The following COL11A1 variants were observed in gnomAD, a reference collection of about 807,000 sequenced individuals.
COL11A1 encodes the protein collagen alpha-1(XI) chain.
In COL11A1, 74 loss-of-function variants were observed where a neutral mutation model predicts 265.2. That is an observed-to-expected ratio of 0.28 (90% confidence interval 0.23 to 0.34). The LOEUF is 0.34. Ranked by LOEUF, COL11A1 falls within the 10% of genes least tolerant of loss-of-function variation. The pLI, the probability that COL11A1 is intolerant of heterozygous loss-of-function variation, is 1.00. For missense variants in COL11A1, 2,165 were observed against 2,263.6 expected (o/e 0.96, Z 0.88); for synonymous variants, 816 against 727.6 (o/e 1.12, Z -1.96).
At position 102,881,693 on chromosome 1, in the gene COL11A1, A is replaced by AT; in HGVS notation, c.5040+3dup. The AT allele has an allele frequency of 6.2e-7, 1 of 1,608,594 alleles. No homozygotes were observed. On this transcript the variant is annotated splice_donor_region_variant and intron_variant, in intron 65 of 66. Transcript: ENST00000370096. ...AATCGTTTCATGTTGAGGTAATAAC[A>AT]TACCAGTTTTCCCCTCTTAAATTCA...
chr1:103,004,164 A>G (rs1371406679), intron 20 of COL11A1, among the ~76,000 whole-genome samples: 3 of 152,180 alleles, frequency 2.0e-5, no homozygotes, highest in African/African-American at 7.2e-5. Context: ...GACAGCACAA[A>G]AAACAAAACA....
In COL11A1 at chr1:102,946,941, G is replaced by T; in HGVS notation, c.3184C>A (p.Arg1062Ser). The part of the protein sequence containing the change: ...PPGPVGSPGE[R>S]GSAGTAGPIG... ...GGGCCAGCTGTACCTGCTGACCCAC[G>T]TTCTCCTGGTGAGCCCTAGTATACA... The change falls in exon 42 of 67, where the codon CGT (arginine) becomes AGT (serine). Residue 1062 changes from arginine (R) to serine (S), a missense_variant. Arg to Ser is a moderately radical substitution (Grantham distance 110). Coordinates refer to ENST00000370096, the MANE Select transcript of COL11A1 (RefSeq NM_001854.4). 6.2e-7 allele frequency: 1 copy of T among 1,612,370 alleles called. No homozygotes were observed. Among genetic ancestry groups the T allele is most frequent in the African/African-American group, 1.3e-5 (1 of 75,024 alleles).
At chr1:102,984,316 T>G in intron 30 of COL11A1, 125 bp from the exon 31 acceptor site, 2 of 617,626 alleles carry the variant, frequency 3.2e-6, no homozygotes, top group South Asian at 4.3e-5. Flanking sequence ...TTTGCAGATT[T>G]TTGTCATTAT....
At chr1:102,945,392 T>C (rs1659163900) in intron 42 of COL11A1, among the ~76,000 whole-genome samples, 1 of 152,048 alleles carries the variant, frequency 6.6e-6, no homozygotes, top group Non-Finnish European at 1.5e-5. Flanking sequence ...CATGAGCCAA[T>C]ATATTTTTGT....
chr1:102,989,867 A>G (rs1362152318), intron 28 of COL11A1, among the ~76,000 whole-genome samples: 2 of 152,098 alleles, frequency 1.3e-5, no homozygotes, highest in Non-Finnish European at 1.5e-5. Context: ...AACAACATGT[A>G]TTCTATACTG....
chr1:103,022,841 AT>A lies in COL11A1; in HGVS notation c.1145del (p.Asp382ValfsTer35). 6.2e-7 allele frequency: 1 copy of A among 1,613,920 alleles called. No homozygotes were observed. Among genetic ancestry groups the A allele is most frequent in the Non-Finnish European group, 8.5e-7 (1 of 1,179,944 alleles). On this transcript the variant is annotated frameshift_variant, in exon 8 of 67. Coordinates refer to ENST00000370096, the MANE Select transcript of COL11A1 (RefSeq NM_001854.4). LOFTEE classifies it high-confidence loss of function. ...CTTCATATTCTTTATATTCATAAAAATCATATTCGCCTAAATCTCCATCTAC... is the reference window on the plus strand; with the variant it reads ...CTTCATATTCTTTATATTCATAAAAACATATTCGCCTAAATCTCCATCTAC... ...LLVDGDLGEY[D>X]FYEYKEYEDK...
Position 103,091,116 on chromosome 1 carries a change from AT to A in COL11A1, c.107-8145del, listed in dbSNP as rs375432136. Among the ~76,000 whole-genome samples the A allele has an allele frequency of 6.2e-3, 940 of 151,964 alleles. 5 individuals are homozygous for A. Among genetic ancestry groups the A allele is most frequent in the Middle Eastern group, 0.037 (11 of 294 alleles). On this transcript the variant is annotated intron_variant, in intron 1 of 66. Transcript: ENST00000370096. ...TCATTAGCATTTTTCTCTTTTCATT[AT>A]TTTTTCTTTGCATTGCATAGAAATT...
chr1:103,005,721 A>G, intron 18 of COL11A1, 117 bp downstream of exon 18: 1 of 1,151,862 alleles, frequency 8.7e-7, no homozygotes, highest in Non-Finnish European at 1.3e-6. Context: ...TTAGATTATT[A>G]AGTGGATTCA....
At chr1:103,033,899 G>A (rs1252270278) in intron 4 of COL11A1, among the ~76,000 whole-genome samples, 1 of 152,048 alleles carries the variant, frequency 6.6e-6, no homozygotes, top group Non-Finnish European at 1.5e-5. Flanking sequence ...CTCCTAATTA[G>A]CTGGGTCTAT....
At chr1:103,002,875 A>C in intron 21 of COL11A1, 84 bp from the exon 22 acceptor site, 7 of 1,238,084 alleles carry the variant, frequency 5.7e-6, no homozygotes, top group Non-Finnish European at 8.3e-6. Context: ...TAATATCATG[A>C]TATTCACTAC....
intron 46 of COL11A1, among the ~76,000 whole-genome samples, chr1:102,933,588 C>T (rs1437659968): frequency 1.3e-5 from 2 of 152,208 alleles, no homozygotes; most frequent in African/African-American, 4.8e-5. Flanking sequence ...CAGAGGCAGG[C>T]AGGCCTCCTT....
intron 66 of COL11A1, 103 bp downstream of exon 66, chr1:102,879,580 A>G: frequency 2.1e-6 from 2 of 950,640 alleles, no homozygotes; most frequent in East Asian, 5.0e-5. Flanking sequence ...GTTAATAACA[A>G]CTGACGTCCA....
intron 8 of COL11A1, 143 bp downstream of exon 8, chr1:103,022,599 G>T (rs1571067273): frequency 1.2e-6 from 1 of 857,194 alleles, no homozygotes; most frequent in Non-Finnish European, 1.8e-6. Flanking sequence ...ATCTAACAAG[G>T]TGTCCTAGTG....
chr1:102,914,333 AT>A lies in COL11A1; in HGVS notation c.3978+18del. On this transcript the variant is annotated intron_variant, in intron 52 of 66. Transcript: ENST00000370096. ...ACATTCACTCCAAAATAATTTCTTG[AT>A]TTTTCCCTGATACTTACTGCAGGGC... 6.3e-7 allele frequency: 1 copy of A among 1,587,638 alleles called. No individual in the cohort carries two copies. Among genetic ancestry groups the A allele is most frequent in the Non-Finnish European group, 8.6e-7 (1 of 1,158,384 alleles).
chr1:102,915,098 G>A (rs1426291226), intron 50 of COL11A1, among the ~76,000 whole-genome samples: 6 of 152,064 alleles, frequency 3.9e-5, no homozygotes, highest in South Asian at 4.2e-4. Context: ...TAGAGACGGG[G>A]TTTTACCACG....
intron 35 of COL11A1, among the ~76,000 whole-genome samples, chr1:102,975,541 G>T (rs1662388786): frequency 6.6e-6 from 1 of 151,736 alleles, no homozygotes; most frequent in African/African-American, 2.4e-5. Flanking sequence ...ATCATTCTTG[G>T]CTTGATTTTT....
At chr1:103,041,986 TTGTG>T (rs1668847002) in intron 4 of COL11A1, among the ~76,000 whole-genome samples, 1 of 152,032 alleles carries the variant, frequency 6.6e-6, no homozygotes, top group African/African-American at 2.4e-5. Context: ...ATGTTTTCTT[TTGTG>T]TGTATTATAA....
At chr1:102,989,593 T>TTTTTTTTTTTTTTCAAGAG in intron 28 of COL11A1, 22 bp from the exon 29 acceptor site, 1 of 1,565,218 alleles carries the variant, frequency 6.4e-7, no homozygotes, top group Non-Finnish European at 8.8e-7. Flanking sequence ...TAAAAGGAAT[T>TTTTTTTTTTTTTTCAAGAG]AAATAGGAGT....
intron 12 of COL11A1, among the ~76,000 whole-genome samples, chr1:103,015,221 C>T (rs1256530036): frequency 6.6e-6 from 1 of 151,424 alleles, no homozygotes; most frequent in African/African-American, 2.4e-5. Context: ...CATTTTTTTC[C>T]CAAAACACCA....
Sources: gnomAD v4.1 joint callset for allele counts (sites outside exome capture counted in the v4.1 genomes callset) on GRCh38, gnomAD v4.1.1 for gene constraint, MANE v1.5 for transcripts, NCBI Gene and HGNC (gene_info 2026-07-23, HGNC 2026-07-21) for gene names.